The following IGSF3 variants were observed in gnomAD, a reference collection of about 807,000 sequenced individuals.
The protein encoded by IGSF3 is glu-Trp-Ile EWI motif-containing protein 3.
In IGSF3, 23 loss-of-function variants were observed where a neutral mutation model predicts 114.4. That is an observed-to-expected ratio of 0.20 (90% CI 0.14 to 0.28). The LOEUF is 0.28. Ranked by LOEUF, IGSF3 falls within the 10% of genes least tolerant of loss-of-function variation. The probability of loss-of-function intolerance (pLI) is 1.00; values close to 1 mark genes in which losing one functional copy is unlikely to be tolerated. For synonymous variants in IGSF3, 571 were observed against 645.2 expected, an observed-to-expected ratio of 0.88 and a Z score of 1.74; for missense variants, 1,172 against 1,591.5, an observed-to-expected ratio of 0.74 and a Z score of 4.48.
intron 6 of IGSF3, among the ~76,000 whole-genome samples, chr1:116,601,726 A>G (rs897056869): frequency 6.6e-6 from 1 of 152,216 alleles, no homozygotes; most frequent in African/African-American, 2.4e-5. Context: ...CTATCTCTAT[A>G]TACCCTTTAA....
intron 5 of IGSF3, among the ~76,000 whole-genome samples, chr1:116,604,902 T>C (rs1042877352): frequency 1.3e-5 from 2 of 152,240 alleles, no homozygotes; most frequent in Admixed American, 6.5e-5. Context: ...CCTTTAACTG[T>C]AGAATTCTTT....
At position 116,643,237 on chromosome 1, in the gene IGSF3, G is replaced by T. The variant is rs148087266; in HGVS notation, c.43+23047C>A. 6.8e-4 allele frequency among the ~76,000 whole-genome samples: 104 copies of T among 152,320 alleles called. 1 individual carries two copies. The highest frequency in any genetic ancestry group is 2.2e-3 in the African/African-American group (90 of 41,558). ...CCACACAGCTAGTCCTGGATAAAGT[G>T]ACTTAAAGAACCCAGGTCTCTGATT... On this transcript the variant is annotated intron_variant, in intron 2 of 10. Transcript: ENST00000369486.
chr1:116,656,655 T>A (rs1426492275), intron 2 of IGSF3, among the ~76,000 whole-genome samples: 1 of 151,994 alleles, frequency 6.6e-6, no homozygotes, highest in Non-Finnish European at 1.5e-5. Context: ...CCAGGCACAG[T>A]GGCTCACGCC....
rs1649338527 is a variant in IGSF3, at chr1:116,666,471, A to C, written c.-145T>G. 2 of 758,556 alleles carry C rather than the reference A, an allele frequency of 2.6e-6. No individual in the cohort carries two copies. The highest frequency in any genetic ancestry group is 1.7e-5 in the African/African-American group (1 of 57,598). 47.0% of individuals were successfully genotyped at this position (758,556 alleles called of 1,614,324 possible). The stretch of plus-strand genomic sequence containing the variant: ...GGAAAATGGGAACAGATTAAAAAGA[A>C]GAGATCAGAAGGAGGGAGTTGGGGG... On this transcript the variant is annotated 5_prime_UTR_variant, in exon 2 of 11. Transcript: ENST00000369486.
rs540496163 is a variant in IGSF3, at chr1:116,602,810, G to A, written c.1624+814C>T. 6.6e-5 allele frequency among the ~76,000 whole-genome samples: 10 copies of A among 152,322 alleles called. No homozygotes were observed. In the East Asian group the frequency reaches 9.6e-4, roughly 15 times the overall value. ...TTCCCAGCAAAGTCACAGACTGGTC[G>A]TTTAAAATCTAATAGACTGATTATA... On this transcript the variant is annotated intron_variant, in intron 6 of 10. Coordinates refer to ENST00000369486, the MANE Select transcript of IGSF3 (RefSeq NM_001007237.3).
chr1:116,587,401 T>C (rs932034971), intron 8 of IGSF3, among the ~76,000 whole-genome samples: 2 of 152,132 alleles, frequency 1.3e-5, no homozygotes, highest in East Asian at 1.9e-4. Context: ...TACATTTAAG[T>C]TAAAATGAGC....
In IGSF3 at chr1:116,648,305, G is replaced by A. The variant is rs1407061529; in HGVS notation, c.43+17979C>T. On this transcript the variant is annotated intron_variant, in intron 2 of 10. Transcript: ENST00000369486. The surrounding 1 kb of genome is among the most constrained non-coding windows in gnomAD (Gnocchi z 4.7). Reference sequence around the variant, plus strand: ...AGAGAGGACAATGCCAGCAATGCCGGCTGTCTCCCAAGTCTGAAGGGTTTT... The same window carrying A: ...AGAGAGGACAATGCCAGCAATGCCGACTGTCTCCCAAGTCTGAAGGGTTTT... Among the ~76,000 whole-genome samples the A allele has an allele frequency of 1.2e-4, 19 of 152,182 alleles. No individual in the cohort carries two copies. The highest frequency in any genetic ancestry group is 1.2e-3 in the Admixed American group (19 of 15,286).
rs1334577392 is a variant in IGSF3, at chr1:116,607,254, C to G, written c.1222+688G>C. On this transcript the variant is annotated intron_variant, in intron 5 of 10. Coordinates refer to ENST00000369486, the MANE Select transcript of IGSF3 (RefSeq NM_001007237.3). The surrounding 1 kb of genome is among the most constrained non-coding windows in gnomAD (Gnocchi z 6.1). ...TGTTTAAACACAACACAAGCAAACA[C>G]CAGTAGTTTCTGGAATCCCTAGCAA... 1.3e-5 allele frequency among the ~76,000 whole-genome samples: 2 copies of G among 152,112 alleles called. No homozygotes were observed. Among genetic ancestry groups the G allele is most frequent in the African/African-American group, 4.8e-5 (2 of 41,402 alleles).
chr1:116,621,935 G>A (rs1393707289), intron 2 of IGSF3, among the ~76,000 whole-genome samples: 3 of 152,150 alleles, frequency 2.0e-5, no homozygotes, highest in Non-Finnish European at 2.9e-5. Flanking sequence ...GATAAACCTG[G>A]CTAGGGGCAG....
In IGSF3 at chr1:116,608,308, C is replaced by G. The variant is rs1415638200; in HGVS notation, c.856G>C (p.Glu286Gln). The change falls in exon 5 of 11, where the codon GAG (glutamate) becomes CAG (glutamine). Residue 286 changes from glutamate (E) to glutamine (Q), a missense_variant. Glu to Gln is a conservative substitution (Grantham distance 29, BLOSUM62 2). This residue lies in a region of IGSF3 where 736 missense variants were observed against 1,042.0 expected (regional missense o/e 0.71). Coordinates refer to ENST00000369486, the MANE Select transcript of IGSF3 (RefSeq NM_001007237.3). ...PTDKEFTVRL[E>Q]TEKRLHTVGE... ...ACCGTGTGCAGCCGCTTCTCTGTCT[C>G]CAGCCGAACAGTGAATTCTTTGTCT... 1.2e-6 allele frequency: 2 copies of G among 1,613,532 alleles called. No individual in the cohort carries two copies. The highest frequency in any genetic ancestry group is 3.3e-5 in the Admixed American group (2 of 59,982).
chr1:116,644,927 A>T lies in IGSF3; in HGVS notation c.43+21357T>A, dbSNP rs1476804295. ...TCCCCTTCATACATGGCTGGTGGGG[A>T]GGTAGGATGGTGCAGCCACTTTGGA... On this transcript the variant is annotated intron_variant, in intron 2 of 10. Transcript: ENST00000369486. The surrounding 1 kb of genome is among the most constrained non-coding windows in gnomAD (Gnocchi z 5.6). Among the ~76,000 whole-genome samples the T allele has an allele frequency of 1.3e-5, 2 of 152,132 alleles. No individual in the cohort carries two copies. The highest frequency in any genetic ancestry group is 4.8e-5 in the African/African-American group (2 of 41,418).
In IGSF3 at chr1:116,649,692, C is replaced by T. The variant is rs1648548266; in HGVS notation, c.43+16592G>A. 6.6e-6 allele frequency among the ~76,000 whole-genome samples: 1 copy of T among 152,212 alleles called. No homozygotes were observed. Among genetic ancestry groups the T allele is most frequent in the African/African-American group, 2.4e-5 (1 of 41,458 alleles). On this transcript the variant is annotated intron_variant, in intron 2 of 10. Coordinates refer to ENST00000369486, the MANE Select transcript of IGSF3 (RefSeq NM_001007237.3). The surrounding 1 kb of genome is among the most constrained non-coding windows in gnomAD (Gnocchi z 4.5). ...ACTGGCCTTTTACTTTCTTCCCCTT[C>T]CAAAGAACCTGGTACCCAGCTACTT...
At chr1:116,622,743 T>C (rs1661462223) in intron 2 of IGSF3, among the ~76,000 whole-genome samples, 1 of 152,236 alleles carries the variant, frequency 6.6e-6, no homozygotes, top group African/African-American at 2.4e-5. Flanking sequence ...GTCGATTTCA[T>C]TACAGCCACA....
chr1:116,577,380 G>A lies in IGSF3; in HGVS notation c.3517C>T (p.His1173Tyr), dbSNP rs1659392593. 2 of 1,614,174 alleles carry A rather than the reference G, an allele frequency of 1.2e-6. No homozygotes were observed. Among genetic ancestry groups the A allele is most frequent in the Non-Finnish European group, 1.7e-6 (2 of 1,180,022 alleles). Residue 1173 changes from histidine (H) to tyrosine (Y), a missense_variant, in exon 11 of 11, where the codon CAC (histidine) becomes TAC (tyrosine). This residue lies in a region of IGSF3 where 423 missense variants were observed against 509.8 expected (regional missense o/e 0.83). Coordinates refer to ENST00000369486, the MANE Select transcript of IGSF3 (RefSeq NM_001007237.3). This position sits in a 1 kb window ranked among gnomAD's most constrained non-coding sequence, Gnocchi z 5.7. ...GVPLLWIKEP[H>Y]LNYSPTCLEP... ...AGGCAAGTAGGGGAGTAGTTGAGGT[G>A]TGGCTCTTTGATCCACAGCAGAGGC...
rs535133026 is a variant in IGSF3, at chr1:116,644,911, T to C, written c.43+21373A>G. Among the ~76,000 whole-genome samples the C allele has an allele frequency of 2.6e-5, 4 of 152,296 alleles. No individual in the cohort carries two copies. The highest frequency in any genetic ancestry group is 7.2e-5 in the African/African-American group (3 of 41,550). ...CATCAAAAGTACCCGGTCCCCTTCA[T>C]ACATGGCTGGTGGGGAGGTAGGATG... On this transcript the variant is annotated intron_variant, in intron 2 of 10. Coordinates refer to ENST00000369486, the MANE Select transcript of IGSF3 (RefSeq NM_001007237.3). This position sits in a 1 kb window ranked among gnomAD's most constrained non-coding sequence, Gnocchi z 5.6.
chr1:116,586,284 C>T (rs997106835), intron 8 of IGSF3, among the ~76,000 whole-genome samples: 2 of 152,286 alleles, frequency 1.3e-5, no homozygotes, highest in South Asian at 2.1e-4. Flanking sequence ...CCCTTTCTCC[C>T]TCCCCATCCA....
Position 116,628,091 on chromosome 1 carries a change from C to G in IGSF3, c.44-11634G>C, listed in dbSNP as rs1647387312. On this transcript the variant is annotated intron_variant, in intron 2 of 10. Coordinates refer to ENST00000369486, the MANE Select transcript of IGSF3 (RefSeq NM_001007237.3). This position sits in a 1 kb window ranked among gnomAD's most constrained non-coding sequence, Gnocchi z 4.2. ...CAATAAGCAGAGCCCCAATAACTAG[C>G]TCCAGTGTGTGGGCAGAAGTGGAGA... Among the ~76,000 whole-genome samples the G allele has an allele frequency of 6.6e-6, 1 of 152,198 alleles. No individual in the cohort carries two copies. Among genetic ancestry groups the G allele is most frequent in the Admixed American group, 6.5e-5 (1 of 15,288 alleles).
intron 6 of IGSF3, among the ~76,000 whole-genome samples, chr1:116,601,056 C>T (rs1660557135): frequency 6.6e-6 from 1 of 152,188 alleles, no homozygotes; most frequent in Non-Finnish European, 1.5e-5. Flanking sequence ...AATATTCATA[C>T]ATTGATCACA....
In IGSF3 at chr1:116,600,197, C is replaced by T. The variant is rs769137361; in HGVS notation, c.1773G>A (p.Glu591=). The change falls in exon 7 of 11, where the codon GAG becomes GAA. Residue 591 remains glutamate, a synonymous_variant. Coordinates refer to ENST00000369486, the MANE Select transcript of IGSF3 (RefSeq NM_001007237.3). This position sits in a 1 kb window ranked among gnomAD's most constrained non-coding sequence, Gnocchi z 5.5. The part of the protein sequence containing the change: ...TWRFQPVGTV[E]FHDLVTFTRD... ...GGGTGAAGGTCACCAAGTCATGGAACTCCACCGTGCCCACCGGCTGGAACC... is the reference window on the plus strand; with the variant it reads ...GGGTGAAGGTCACCAAGTCATGGAATTCCACCGTGCCCACCGGCTGGAACC... 1.1e-5 allele frequency: 17 copies of T among 1,614,022 alleles called. No homozygotes were observed. Among genetic ancestry groups the T allele is most frequent in the Non-Finnish European group, 8.5e-7 (1 of 1,180,036 alleles).
Sources: allele counts gnomAD v4.1 joint callset (sites outside exome capture counted in the v4.1 genomes callset), GRCh38; gene constraint gnomAD v4.1.1; regional missense constraint gnomAD v4.1.1; non-coding constraint Gnocchi (gnomAD v3.1); transcripts MANE v1.5; gene names NCBI Gene and HGNC (gene_info 2026-07-23, HGNC 2026-07-21).